The following COL8A1 variants were observed in gnomAD, a reference collection of about 807,000 sequenced individuals.
COL8A1 encodes the protein collagen type VIII alpha 1 chain, also known as collagen alpha-1(VIII) chain.
COL8A1 carries 21 observed loss-of-function variants against 42.7 expected under a neutral mutation model. The ratio of observed to expected loss-of-function variants is 0.49; its 90% CI spans 0.35 to 0.71. The LOEUF (loss-of-function observed/expected upper bound fraction) is 0.71, where lower values mean the gene tolerates loss of function less well. COL8A1 is among the 30% of genes least tolerant of loss of function. COL8A1 has a pLI of 0.01. For missense variants in COL8A1, 788 were observed against 962.4 expected (o/e 0.82, Z 2.40); for synonymous variants, 367 against 369.1 (o/e 0.99, Z 0.06).
intron 1 of COL8A1, among the ~76,000 whole-genome samples, chr3:99,658,002 T>G (rs1383229603): frequency 6.6e-6 from 1 of 151,846 alleles, no homozygotes; most frequent in Non-Finnish European, 1.5e-5. Context: ...TGGCATGCTC[T>G]TGTAATCCCA....
intron 2 of COL8A1, among the ~76,000 whole-genome samples, chr3:99,776,814 A>G (rs777620445): frequency 4.6e-5 from 7 of 152,232 alleles, no homozygotes; most frequent in African/African-American, 7.2e-5. Flanking sequence ...TTTCTGGGAA[A>G]GGGGTAGGCA....
chr3:99,690,714 A>ATG (rs2107333984), intron 1 of COL8A1, among the ~76,000 whole-genome samples: 1 of 152,332 alleles, frequency 6.6e-6, no homozygotes, highest in South Asian at 2.1e-4. Context: ...GTTCCACAGA[A>ATG]TGTGGGCCCT....
intron 1 of COL8A1, among the ~76,000 whole-genome samples, chr3:99,709,921 T>C (rs1939788487): frequency 6.6e-6 from 1 of 152,192 alleles, no homozygotes; most frequent in Non-Finnish European, 1.5e-5. Flanking sequence ...CCAACTCCCT[T>C]CTTCTCATGT....
chr3:99,686,613 G>T (rs1939060659), intron 1 of COL8A1, among the ~76,000 whole-genome samples: 2 of 152,160 alleles, frequency 1.3e-5, no homozygotes, highest in Admixed American at 6.5e-5. Context: ...CCACACAGTG[G>T]GCACTCCTGC....
intron 1 of COL8A1, among the ~76,000 whole-genome samples, chr3:99,721,838 C>A (rs1041721430): frequency 1.3e-5 from 2 of 151,182 alleles, no homozygotes; most frequent in African/African-American, 2.4e-5. Flanking sequence ...ACGGAAGAGT[C>A]TATCTGCCTT....
At chr3:99,735,046 T>C (rs1940660320) in intron 1 of COL8A1, among the ~76,000 whole-genome samples, 3 of 151,702 alleles carry the variant, frequency 2.0e-5, no homozygotes, top group African/African-American at 7.3e-5. Context: ...TAAGGAGATT[T>C]TGGGCTGAGA....
chr3:99,754,429 A>G (rs949707621), intron 2 of COL8A1, among the ~76,000 whole-genome samples: 1 of 151,666 alleles, frequency 6.6e-6, no homozygotes, highest in African/African-American at 2.4e-5. Flanking sequence ...TAATAACTAT[A>G]CTGTTTTTTT....
chr3:99,774,636 C>T (rs545098625), intron 2 of COL8A1, among the ~76,000 whole-genome samples: 2 of 151,946 alleles, frequency 1.3e-5, no homozygotes, highest in African/African-American at 2.4e-5. Context: ...GCCCAACACA[C>T]GTGAACAAGA....
chr3:99,794,741 T>G lies in COL8A1; in HGVS notation c.840T>G (p.Pro280=), dbSNP rs752207552. The G allele has an allele frequency of 1.9e-6, 3 of 1,602,062 alleles. No homozygotes were observed. In the African/African-American group the frequency reaches 4.1e-5, roughly 22 times the overall value. ...GCAAACCAGGAGTGACAGGCTTCCC[T>G]GGGCCCCAGGGCCCCCTGGGAAAGC... ...GVGKPGVTGF[P]GPQGPLGKPG... Residue 280 remains proline (P), a synonymous_variant, in exon 4 of 4, where the codon CCT becomes CCG. Coordinates refer to ENST00000652472, the MANE Select transcript of COL8A1 (RefSeq NM_020351.4). The surrounding 1 kb of genome is among the most constrained non-coding windows in gnomAD (Gnocchi z 4.3).
Position 99,773,690 on chromosome 3 carries a change from G to T in COL8A1, c.-3-16990G>T, listed in dbSNP as rs1417742843. ...CAATCAGAACTCAGGATCACGCATAGCTTACCCTATGTAGCTTACCCTGTG... is the reference window on the plus strand; with the variant it reads ...CAATCAGAACTCAGGATCACGCATATCTTACCCTATGTAGCTTACCCTGTG... On this transcript the variant is annotated intron_variant, in intron 2 of 3. Transcript: ENST00000652472. Among the ~76,000 whole-genome samples, 6 of 150,210 alleles carry T rather than the reference G, an allele frequency of 4.0e-5. No individual in the cohort carries two copies. The East Asian group carries it at 1.2e-3, about 29-fold the overall frequency.
chr3:99,648,194 G>C (rs1937713995), intron 1 of COL8A1, among the ~76,000 whole-genome samples: 1 of 152,166 alleles, frequency 6.6e-6, no homozygotes, highest in Non-Finnish European at 1.5e-5. Context: ...CACTCGTTAA[G>C]CAAATTGCCT....
chr3:99,731,435 G>C (rs1488904124), intron 1 of COL8A1, among the ~76,000 whole-genome samples: 3 of 152,064 alleles, frequency 2.0e-5, no homozygotes, highest in Admixed American at 1.3e-4. Flanking sequence ...CAGGGTGGAG[G>C]ATAAGAAGGG....
intron 1 of COL8A1, among the ~76,000 whole-genome samples, chr3:99,727,363 G>A (rs968430734): frequency 1.3e-5 from 2 of 152,024 alleles, no homozygotes; most frequent in Non-Finnish European, 2.9e-5. Context: ...CTGCAAACAG[G>A]GACAATTTGA....
intron 1 of COL8A1, among the ~76,000 whole-genome samples, chr3:99,673,090 G>A (rs1938593646): frequency 6.6e-6 from 1 of 151,838 alleles, no homozygotes; most frequent in Non-Finnish European, 1.5e-5. Context: ...TTCATGAATG[G>A]GACAGACTAT....
intron 1 of COL8A1, among the ~76,000 whole-genome samples, chr3:99,691,066 C>A (rs941821573): frequency 6.6e-6 from 1 of 152,144 alleles, no homozygotes; most frequent in African/African-American, 2.4e-5. Context: ...TTCCTGTATG[C>A]AAGTTCTGCA....
At chr3:99,735,877 T>C (rs1940695495) in intron 1 of COL8A1, among the ~76,000 whole-genome samples, 1 of 152,110 alleles carries the variant, frequency 6.6e-6, no homozygotes, top group Non-Finnish European at 1.5e-5. Flanking sequence ...GGTTTAGTCT[T>C]GGGAGGGTGT....
At chr3:99,696,039 CAGG>C (rs1939356177) in intron 1 of COL8A1, among the ~76,000 whole-genome samples, 2 of 152,152 alleles carry the variant, frequency 1.3e-5, no homozygotes, top group Non-Finnish European at 2.9e-5. Context: ...GAGGCTGAGG[CAGG>C]AGAATTGCTT....
At chr3:99,748,445 A>T (rs1941075908) in intron 2 of COL8A1, among the ~76,000 whole-genome samples, 1 of 152,232 alleles carries the variant, frequency 6.6e-6, no homozygotes, top group African/African-American at 2.4e-5. Flanking sequence ...GCATGTTGAA[A>T]TGATATTTTT....
intron 1 of COL8A1, among the ~76,000 whole-genome samples, chr3:99,655,886 G>T (rs977113919): frequency 6.6e-6 from 1 of 152,088 alleles, no homozygotes; most frequent in Non-Finnish European, 1.5e-5. Flanking sequence ...ACAAGTAAGT[G>T]CACTGACAGA....
Sources: gnomAD v4.1 joint callset for allele counts (sites outside exome capture counted in the v4.1 genomes callset) on GRCh38, gnomAD v4.1.1 for gene constraint, Gnocchi (gnomAD v3.1) non-coding constraint, MANE v1.5 for transcripts, NCBI Gene and HGNC (gene_info 2026-07-23, HGNC 2026-07-21) for gene names.